The following PACRG variants were observed in gnomAD, a reference collection of about 807,000 sequenced individuals.
The protein encoded by PACRG is parkin coregulated.
Under a neutral mutation model 29.7 loss-of-function variants are expected in PACRG, and 29 were observed. The observed-to-expected ratio is 0.98, with a 90% confidence interval of 0.73 to 1.33. The LOEUF is 1.33. PACRG is among the 40% of genes most tolerant of loss of function. The probability of loss-of-function intolerance (pLI) is 0.00; values close to 1 mark genes in which losing one functional copy is unlikely to be tolerated. For missense variants in PACRG, 279 were observed against 316.2 expected (o/e 0.88, Z 0.89); for synonymous variants, 116 against 118.7 (o/e 0.98, Z 0.15).
intron 4 of PACRG, among the ~76,000 whole-genome samples, chr6:163,094,634 C>G (rs1814408394): frequency 6.6e-6 from 1 of 152,174 alleles, no homozygotes; most frequent in Non-Finnish European, 1.5e-5. Context: ...TTATATAGAG[C>G]TTGGCACACC....
intron 2 of PACRG, among the ~76,000 whole-genome samples, chr6:162,891,514 A>G (rs1006267536): frequency 4.6e-5 from 7 of 152,062 alleles, no homozygotes; most frequent in East Asian, 1.9e-4. Context: ...CAGCCATTCC[A>G]TCTCAGCTCC....
intron 2 of PACRG, among the ~76,000 whole-genome samples, chr6:162,919,337 G>T (rs899091439): frequency 2.4e-4 from 36 of 152,156 alleles, no homozygotes; most frequent in African/African-American, 8.7e-4. Context: ...AATGTCCAGG[G>T]TCCAGATACG....
intron 1 of PACRG, among the ~76,000 whole-genome samples, chr6:162,768,522 T>C (rs1584292209): frequency 6.6e-6 from 1 of 152,112 alleles, no homozygotes; most frequent in African/African-American, 2.4e-5. Flanking sequence ...TTTCAAGTAT[T>C]ATATCTCCTA....
At chr6:163,234,157 A>G (rs12194450) in intron 4 of PACRG, among the ~76,000 whole-genome samples, 63,064 of 151,864 alleles carry the variant, frequency 0.42, 14,099 homozygotes, top group African/African-American at 0.58. Context: ...CCTCTGCTAT[A>G]GTTTGGGTAT....
intron 2 of PACRG, among the ~76,000 whole-genome samples, chr6:163,002,443 A>T (rs79410591): frequency 2.6e-5 from 4 of 152,212 alleles, no homozygotes; most frequent in African/African-American, 9.6e-5. Context: ...AAGAAAAATC[A>T]TTTGAACCAA....
intron 3 of PACRG, among the ~76,000 whole-genome samples, chr6:163,068,933 G>A (rs892755435): frequency 6.6e-6 from 1 of 151,652 alleles, no homozygotes; most frequent in African/African-American, 2.4e-5. Flanking sequence ...TTATTTTTTT[G>A]ACTTATTCAG....
chr6:163,047,715 GAGCCATC>G (rs1350166768), intron 2 of PACRG, among the ~76,000 whole-genome samples: 1 of 152,144 alleles, frequency 6.6e-6, no homozygotes, highest in African/African-American at 2.4e-5. Context: ...CAGCTAGACA[GAGCCATC>G]AGCATTTGTA....
intron 2 of PACRG, among the ~76,000 whole-genome samples, chr6:162,999,173 G>A (rs2128195408): frequency 6.6e-6 from 1 of 152,268 alleles, no homozygotes; most frequent in South Asian, 2.1e-4. Context: ...AAATAATTAT[G>A]GGCAGAAATA....
At chr6:162,946,961 T>C (rs1233773678) in intron 2 of PACRG, among the ~76,000 whole-genome samples, 1 of 151,928 alleles carries the variant, frequency 6.6e-6, no homozygotes, top group Non-Finnish European at 1.5e-5. Context: ...AAAGTAGGCA[T>C]AGAAGGAACA....
intron 1 of PACRG, among the ~76,000 whole-genome samples, chr6:162,782,682 C>A (rs1474068129): frequency 6.6e-6 from 1 of 151,726 alleles, no homozygotes; most frequent in African/African-American, 2.4e-5. Context: ...GGGAACTTTG[C>A]TGAGTTACCT....
At chr6:163,229,569 C>A (rs1299246474) in intron 4 of PACRG, among the ~76,000 whole-genome samples, 1 of 152,220 alleles carries the variant, frequency 6.6e-6, no homozygotes, top group East Asian at 1.9e-4. Context: ...GAATAACCTG[C>A]ACCTGAGCAC....
intron 2 of PACRG, among the ~76,000 whole-genome samples, chr6:163,049,356 G>T (rs938852024): frequency 7.2e-5 from 11 of 152,014 alleles, no homozygotes; most frequent in Non-Finnish European, 1.6e-4. Flanking sequence ...ATAGACTAGT[G>T]ATTTAAATGT....
intron 4 of PACRG, among the ~76,000 whole-genome samples, chr6:163,166,623 T>C (rs1305446728): frequency 6.6e-6 from 1 of 152,184 alleles, no homozygotes; most frequent in African/African-American, 2.4e-5. Context: ...TATGGAAAAA[T>C]GTCACAAAGC....
chr6:162,752,091 C>T (rs1308421676), intron 1 of PACRG, among the ~76,000 whole-genome samples: 2 of 152,176 alleles, frequency 1.3e-5, no homozygotes, highest in Non-Finnish European at 2.9e-5. Context: ...AACATTTCAA[C>T]TTCTGACCAA....
intron 2 of PACRG, among the ~76,000 whole-genome samples, chr6:163,053,154 T>G (rs1810197470): frequency 6.6e-6 from 1 of 152,042 alleles, no homozygotes; most frequent in African/African-American, 2.4e-5. Flanking sequence ...GAATGAAAAA[T>G]TTACTGAAAT....
chr6:162,816,715 G>C (rs145772504), intron 2 of PACRG, among the ~76,000 whole-genome samples: 3 of 152,124 alleles, frequency 2.0e-5, no homozygotes, highest in African/African-American at 4.8e-5. Context: ...TATTTATTTC[G>C]TGGCACATTT....
chr6:163,159,698 C>T (rs1364142752), intron 4 of PACRG, among the ~76,000 whole-genome samples: 1 of 152,156 alleles, frequency 6.6e-6, no homozygotes, highest in African/African-American at 2.4e-5. Context: ...TTTCTAGGTT[C>T]TTCTTCTGCT....
intron 4 of PACRG, among the ~76,000 whole-genome samples, chr6:163,307,748 G>T (rs1279749613): frequency 6.6e-6 from 1 of 152,152 alleles, no homozygotes; most frequent in Non-Finnish European, 1.5e-5. Flanking sequence ...TAAAAAAATA[G>T]AGTGAAAGAA....
chr6:162,943,005 T>G (rs1798737572), intron 2 of PACRG, among the ~76,000 whole-genome samples: 1 of 152,136 alleles, frequency 6.6e-6, no homozygotes, highest in South Asian at 2.1e-4. Context: ...CCAGAGAGGC[T>G]CCCAGTGCAG....
Sources: gnomAD v4.1 joint callset for allele counts (sites outside exome capture counted in the v4.1 genomes callset) on GRCh38, gnomAD v4.1.1 for gene constraint, MANE v1.5 for transcripts, NCBI Gene and HGNC (gene_info 2026-07-23, HGNC 2026-07-21) for gene names.